Variants in DLGAP1 observed in about 807,000 individuals in gnomAD.
The protein encoded by DLGAP1 is disks large-associated protein 1.
DLGAP1 carries 11 observed loss-of-function variants against 90.8 expected under a neutral mutation model. The observed-to-expected ratio is 0.12, with a 90% CI of 0.08 to 0.20. DLGAP1 has a LOEUF of 0.20. Ranked by LOEUF, DLGAP1 falls within the 10% of genes least tolerant of loss-of-function variation. The pLI, the probability that DLGAP1 is intolerant of heterozygous loss-of-function variation, is 1.00. For synonymous variants in DLGAP1, 558 were observed against 540.7 expected (o/e 1.03, Z -0.44); for missense variants, 1,050 against 1,333.8 (o/e 0.79, Z 3.31).
At chr18:4,157,115 A>G (rs2144466584) in intron 1 of DLGAP1, among the ~76,000 whole-genome samples, 1 of 151,948 alleles carries the variant, frequency 6.6e-6, no homozygotes, top group East Asian at 1.9e-4. Context: ...CTTGTCTGAG[A>G]TCATGGACCA....
intron 7 of DLGAP1, among the ~76,000 whole-genome samples, chr18:3,635,205 A>C (rs940738258): frequency 8.1e-5 from 12 of 148,314 alleles, no homozygotes; most frequent in Admixed American, 3.4e-4. Flanking sequence ...ATCTCGGCTC[A>C]CTGCAAGCTC....
rs189542012 is a variant in DLGAP1, at chr18:4,301,610, T to C, written c.-266-150323A>G. 6.5e-4 allele frequency among the ~76,000 whole-genome samples: 99 copies of C among 152,352 alleles called. 1 individual carries two copies. The highest frequency in any genetic ancestry group is 3.4e-3 in the Middle Eastern group (1 of 294). The stretch of plus-strand genomic sequence containing the variant: ...AACAATGCTGCAGTGAACACGGATA[T>C]GCAGATATGCAGATATGCCTTTGAC... On this transcript the variant is annotated intron_variant, in intron 1 of 12. Coordinates refer to ENST00000315677, the MANE Select transcript of DLGAP1 (RefSeq NM_004746.4).
rs187807012 is a variant in DLGAP1 at position 3,561,791 on chromosome 18, G to A, written c.2057+5699C>T. 4.1e-4 allele frequency among the ~76,000 whole-genome samples: 62 copies of A among 150,900 alleles called. 5 individuals are homozygous for A. Among genetic ancestry groups the A allele is most frequent in the African/African-American group, 1.3e-3 (52 of 40,306 alleles). ...AGCCTCGCTATGTTGCTATTAGTCC[G>A]TTTTAACGCTGCTGATAAAGACATA... is the stretch of plus-strand genomic sequence containing the variant. On this transcript the variant is annotated intron_variant, in intron 9 of 12. Transcript: ENST00000315677.
At chr18:3,842,744 CA>C (rs557413410) in intron 4 of DLGAP1, among the ~76,000 whole-genome samples, 17 of 152,076 alleles carry the variant, frequency 1.1e-4, no homozygotes, top group Non-Finnish European at 2.4e-4. Context: ...GGGTAGGAAA[CA>C]TGGGGTAGCA....
At chr18:3,508,789 A>C in intron 10 of DLGAP1, 128 bp from the exon 11 acceptor site, 11 of 655,532 alleles carry the variant, frequency 1.7e-5, no homozygotes, top group Non-Finnish European at 2.3e-5. Context: ...CTGAACACTC[A>C]TGCCCACCCA....
chr18:4,272,293 A>C (rs979914079), intron 1 of DLGAP1, among the ~76,000 whole-genome samples: 4 of 152,224 alleles, frequency 2.6e-5, no homozygotes, highest in African/African-American at 9.6e-5. Context: ...AGAATGCATC[A>C]AAAAGTTACA....
intron 9 of DLGAP1, among the ~76,000 whole-genome samples, chr18:3,535,690 A>C (rs2052326282): frequency 6.7e-6 from 1 of 149,130 alleles, no homozygotes; most frequent in African/African-American, 2.5e-5. Context: ...CCTGGGTGAC[A>C]GAGTGAGATT....
chr18:4,337,950 T>A (rs2081108446), intron 1 of DLGAP1, among the ~76,000 whole-genome samples: 1 of 152,212 alleles, frequency 6.6e-6, no homozygotes, highest in South Asian at 2.1e-4. Flanking sequence ...CACTTCTGTT[T>A]CGCTTTTAAA....
At chr18:4,280,489 T>A (rs1173974501) in intron 1 of DLGAP1, among the ~76,000 whole-genome samples, 3 of 152,178 alleles carry the variant, frequency 2.0e-5, no homozygotes, top group Non-Finnish European at 4.4e-5. Flanking sequence ...CATATCACAA[T>A]ATATCCAGTT....
chr18:4,366,433 A>G (rs1212439314), intron 1 of DLGAP1, among the ~76,000 whole-genome samples: 5 of 152,106 alleles, frequency 3.3e-5, no homozygotes, highest in Admixed American at 3.3e-4. Context: ...TAAAAAGAGC[A>G]TGTCATGCAC....
intron 3 of DLGAP1, among the ~76,000 whole-genome samples, chr18:3,948,202 G>C (rs192446970): frequency 6.6e-6 from 1 of 151,598 alleles, no homozygotes; most frequent in Non-Finnish European, 1.5e-5. Flanking sequence ...CCAGGCCAAA[G>C]ACATCCAGTT....
At chr18:3,710,640 GA>G (rs1435997829) in intron 7 of DLGAP1, among the ~76,000 whole-genome samples, 1 of 152,206 alleles carries the variant, frequency 6.6e-6, no homozygotes, top group Non-Finnish European at 1.5e-5. Flanking sequence ...GAACAAGACA[GA>G]AAAATTTTTT....
At chr18:4,083,033 A>G (rs1010242097) in intron 2 of DLGAP1, among the ~76,000 whole-genome samples, 1 of 152,108 alleles carries the variant, frequency 6.6e-6, no homozygotes, top group Non-Finnish European at 1.5e-5. Context: ...GTTTCAGGCT[A>G]TGATCCCCCA....
chr18:3,499,006 A>C lies in DLGAP1; in HGVS notation c.*179T>G. On this transcript the variant is annotated 3_prime_UTR_variant, in exon 13 of 13. Coordinates refer to ENST00000315677, the MANE Select transcript of DLGAP1 (RefSeq NM_004746.4). This position sits in a 1 kb window ranked among gnomAD's most constrained non-coding sequence, Gnocchi z 6.4. ...AGGAGATGGGCAAACGGGTACGGGA[A>C]GTGGGGGGCTGAGGGGGGCCCGGGG... The C allele has an allele frequency of 3.6e-6, 2 of 556,790 alleles. No homozygotes were observed. Among genetic ancestry groups the C allele is most frequent in the Non-Finnish European group, 6.1e-6 (2 of 325,380 alleles). The allele number at this position is 556,790 out of a possible 1,614,324, so 34.5% of individuals were successfully genotyped here.
chr18:3,682,151 G>T (rs2060542503), intron 7 of DLGAP1, among the ~76,000 whole-genome samples: 2 of 148,548 alleles, frequency 1.3e-5, no homozygotes, highest in South Asian at 2.2e-4. Context: ...TAAAAATAAC[G>T]AACGAACTAA....
chr18:3,671,943 G>T (rs368398667), intron 7 of DLGAP1, among the ~76,000 whole-genome samples: 1 of 152,002 alleles, frequency 6.6e-6, no homozygotes, highest in East Asian at 1.9e-4. Context: ...CCTTCCAATT[G>T]CCAACAGAGT....
chr18:4,096,437 C>G (rs142530098), intron 2 of DLGAP1, among the ~76,000 whole-genome samples: 6 of 152,238 alleles, frequency 3.9e-5, no homozygotes, highest in Non-Finnish European at 5.9e-5. Flanking sequence ...CATATTTTAT[C>G]AGAAAAACCT....
intron 1 of DLGAP1, among the ~76,000 whole-genome samples, chr18:4,423,783 G>A (rs1381270523): frequency 2.0e-5 from 3 of 148,116 alleles, no homozygotes; most frequent in East Asian, 2.0e-4. Flanking sequence ...GACATCCTGG[G>A]AATGGTGATA....
At chr18:3,819,736 A>G (rs1363565783) in intron 4 of DLGAP1, among the ~76,000 whole-genome samples, 2 of 152,166 alleles carry the variant, frequency 1.3e-5, no homozygotes, top group African/African-American at 4.8e-5. Context: ...GAGGTCTGCC[A>G]TTCACAGTTC....
Sources: allele counts gnomAD v4.1 joint callset (sites outside exome capture counted in the v4.1 genomes callset), GRCh38; gene constraint gnomAD v4.1.1; non-coding constraint Gnocchi (gnomAD v3.1); transcripts MANE v1.5; gene names NCBI Gene and HGNC (gene_info 2026-07-23, HGNC 2026-07-21).